The following ADAMTS2 variants were observed in gnomAD, a reference collection of about 807,000 sequenced individuals.
ADAMTS2 encodes A disintegrin and metalloproteinase with thrombospondin motifs 2.
Under a neutral mutation model 123.0 loss-of-function variants are expected in ADAMTS2, and 50 were observed. The observed-to-expected ratio is 0.41, with a 90% CI of 0.32 to 0.51. The LOEUF is 0.51. Among genes scored for constraint, ADAMTS2 ranks in the 20% least tolerant of loss-of-function variants. ADAMTS2 has a pLI of 0.35. For synonymous variants in ADAMTS2, 678 were observed against 695.4 expected (o/e 0.98, Z 0.39); for missense variants, 1,494 against 1,705.2 (o/e 0.88, Z 2.18).
Position 179,130,057 on chromosome 5 carries a change from C to T in ADAMTS2, c.2332G>A (p.Glu778Lys). ...TTGGAACTGGCATCCACGTCATTCT[C>T]TTCATTTAAGATGAACTTGCCTGTC... ...LETGKFILNE[E>K]NDVDASSKTF... The change falls in exon 16 of 22, where the codon GAG becomes AAG. Residue 778 changes from glutamate to lysine, a missense_variant. This residue lies in a region of ADAMTS2 where 953 missense variants were observed against 1,124.7 expected (regional missense o/e 0.85). Coordinates refer to ENST00000251582, the MANE Select transcript of ADAMTS2 (RefSeq NM_014244.5). This position sits in a 1 kb window ranked among gnomAD's most constrained non-coding sequence, Gnocchi z 4.3. The T allele has an allele frequency of 6.2e-7, 1 of 1,614,166 alleles. No individual in the cohort carries two copies. Among genetic ancestry groups the T allele is most frequent in the Non-Finnish European group, 8.5e-7 (1 of 1,180,040 alleles).
rs904991080 is a variant in ADAMTS2, at chr5:179,143,867, T to C, written c.1630-3832A>G. On this transcript the variant is annotated intron_variant, in intron 10 of 21. Coordinates refer to ENST00000251582, the MANE Select transcript of ADAMTS2 (RefSeq NM_014244.5). Reference sequence around the variant, plus strand: ...TCTGAATTTTCTTTCCTTTAACAAATATATTTGAAAATAATAAAAGAAGGT... The same window carrying C: ...TCTGAATTTTCTTTCCTTTAACAAACATATTTGAAAATAATAAAAGAAGGT... 5.3e-5 allele frequency among the ~76,000 whole-genome samples: 8 copies of C among 152,338 alleles called. No homozygotes were observed. In the South Asian group the frequency reaches 6.2e-4, roughly 12 times the overall value.
rs558433041 is a variant in ADAMTS2 at position 179,165,031 on chromosome 5, G to A, written c.976-6152C>T. 1.1e-4 allele frequency among the ~76,000 whole-genome samples: 16 copies of A among 152,336 alleles called. No homozygotes were observed. The South Asian group carries it at 2.5e-3, about 24-fold the overall frequency. On this transcript the variant is annotated intron_variant, in intron 5 of 21. Transcript: ENST00000251582. Reference sequence around the variant, plus strand: ...TGGCCGTGGACAGGGCAAGGCCCTCGCTACTGGAGGCAGTCGGAACCCAAG... The same window carrying A: ...TGGCCGTGGACAGGGCAAGGCCCTCACTACTGGAGGCAGTCGGAACCCAAG...
At chr5:179,264,283 A>G (rs1462880908) in intron 3 of ADAMTS2, among the ~76,000 whole-genome samples, 2 of 152,108 alleles carry the variant, frequency 1.3e-5, no homozygotes, top group Non-Finnish European at 2.9e-5. Flanking sequence ...ACCGTCATCC[A>G]TGGGGCAGCC....
intron 3 of ADAMTS2, among the ~76,000 whole-genome samples, chr5:179,237,846 T>C (rs903167434): frequency 6.6e-6 from 1 of 152,180 alleles, no homozygotes; most frequent in Admixed American, 6.5e-5. Flanking sequence ...GTGCTTCTTG[T>C]ACTGCAAGGT....
At chr5:179,248,330 G>A (rs1296481178) in intron 3 of ADAMTS2, among the ~76,000 whole-genome samples, 2 of 151,952 alleles carry the variant, frequency 1.3e-5, no homozygotes. Flanking sequence ...GAGGAATAAA[G>A]AATATGACAT....
In ADAMTS2 at chr5:179,113,936, C is replaced by G. The variant is rs1394303348; in HGVS notation, c.3567G>C (p.Lys1189Asn). 3.1e-6 allele frequency: 5 copies of G among 1,614,180 alleles called. No homozygotes were observed. In the Admixed American group the frequency reaches 8.3e-5, roughly 27 times the overall value. Residue 1189 changes from lysine to asparagine, a missense_variant, in exon 22 of 22, where the codon AAG becomes AAC. This residue lies in a region of ADAMTS2 where 953 missense variants were observed against 1,124.7 expected (regional missense o/e 0.85). Transcript: ENST00000251582. ...GCTCTTGGATTCTTTGGTTTCTGGT[C>G]TTTTCATAGGGGCTCGGTCGTCGAG... ...LIPRRPSPYE[K>N]TRNQRIQELI... is the part of the protein sequence containing the mutation.
chr5:179,330,819 A>C (rs997682479), intron 2 of ADAMTS2, among the ~76,000 whole-genome samples: 1 of 146,096 alleles, frequency 6.8e-6, no homozygotes, highest in African/African-American at 2.8e-5. Flanking sequence ...AAGCCGCCCT[A>C]TCTGAGGTGG....
chr5:179,173,076 G>A (rs1461645588), intron 5 of ADAMTS2, among the ~76,000 whole-genome samples: 1 of 151,390 alleles, frequency 6.6e-6, no homozygotes, highest in East Asian at 1.9e-4. Context: ...GTCGAGTGTG[G>A]TGGTGCGTGC....
chr5:179,342,831 A>G (rs1043521975), intron 2 of ADAMTS2, among the ~76,000 whole-genome samples: 2 of 152,198 alleles, frequency 1.3e-5, no homozygotes, highest in Non-Finnish European at 2.9e-5. Context: ...CTCCCTCAGC[A>G]TCGATCCAGG....
rs111877409 is a variant in ADAMTS2 at position 179,228,198 on chromosome 5, T to C, written c.689-20483A>G. ...AGGTGTGGGCGGCCTCCAGGATGAA[T>C]CAGCTGCAGAGCACCGCAGTGGCGC... is the stretch of plus-strand genomic sequence containing the variant. On this transcript the variant is annotated intron_variant, in intron 3 of 21. Transcript: ENST00000251582. This position sits in a 1 kb window ranked among gnomAD's most constrained non-coding sequence, Gnocchi z 5.2. Among the ~76,000 whole-genome samples, 1 of 152,052 alleles carries C rather than the reference T, an allele frequency of 6.6e-6. No individual in the cohort carries two copies. The highest frequency in any genetic ancestry group is 2.4e-5 in the African/African-American group (1 of 41,378).
intron 3 of ADAMTS2, among the ~76,000 whole-genome samples, chr5:179,265,509 T>C (rs1766344860): frequency 6.6e-6 from 1 of 152,172 alleles, no homozygotes; most frequent in Non-Finnish European, 1.5e-5. Context: ...TCGCTGGGGC[T>C]GCAAGCCTCG....
chr5:179,241,805 T>C (rs1166013088), intron 3 of ADAMTS2, among the ~76,000 whole-genome samples: 2 of 152,258 alleles, frequency 1.3e-5, no homozygotes, highest in Non-Finnish European at 2.9e-5. Context: ...AAATAAACTA[T>C]AGGCAAAATA....
chr5:179,141,035 G>C (rs926012555), intron 10 of ADAMTS2, among the ~76,000 whole-genome samples: 1 of 150,944 alleles, frequency 6.6e-6, no homozygotes, highest in African/African-American at 2.4e-5. Flanking sequence ...GGCTGGTCTC[G>C]AACTCCTGAC....
intron 4 of ADAMTS2, among the ~76,000 whole-genome samples, chr5:179,193,331 G>A (rs901448024): frequency 1.3e-5 from 2 of 152,114 alleles, no homozygotes; most frequent in Admixed American, 1.3e-4. Flanking sequence ...GTACTTCCCC[G>A]CGTGCGATAT....
intron 4 of ADAMTS2, among the ~76,000 whole-genome samples, chr5:179,201,885 A>G (rs935604674): frequency 7.2e-5 from 11 of 152,188 alleles, no homozygotes; most frequent in Non-Finnish European, 1.5e-4. Flanking sequence ...TTCTAGATGT[A>G]AGGAGGAAGA....
At chr5:179,136,132 C>T in intron 12 of ADAMTS2, 90 bp from the exon 13 acceptor site, 2 of 1,602,982 alleles carry the variant, frequency 1.2e-6, no homozygotes, top group Non-Finnish European at 1.7e-6. Flanking sequence ...GAAATTTCCA[C>T]AAGGGTCCCC....
At position 179,115,506 on chromosome 5, in the gene ADAMTS2, G is replaced by T. The variant is rs527693681; in HGVS notation, c.3179-1182C>A. 1.1e-4 allele frequency among the ~76,000 whole-genome samples: 16 copies of T among 152,194 alleles called. No homozygotes were observed. The highest frequency in any genetic ancestry group is 3.9e-4 in the African/African-American group (16 of 41,526). On this transcript the variant is annotated intron_variant, in intron 21 of 21. Transcript: ENST00000251582. The surrounding 1 kb of genome is among the most constrained non-coding windows in gnomAD (Gnocchi z 4.4). ...GCTCAGCTGCTCTCTACTCTCCACA[G>T]TGATGACTTCAGACCTTTCCCACAC...
rs565121412 is a variant in ADAMTS2 at position 179,308,155 on chromosome 5, A to G, written c.535-35091T>C. On this transcript the variant is annotated intron_variant, in intron 2 of 21. Coordinates refer to ENST00000251582, the MANE Select transcript of ADAMTS2 (RefSeq NM_014244.5). The surrounding 1 kb of genome is among the most constrained non-coding windows in gnomAD (Gnocchi z 6.6). ...TCTGGAGCGACAACAAGGAGAAAAC[A>G]GGGGTTTAAGTGGAGGATCCGGTGC... Among the ~76,000 whole-genome samples the G allele has an allele frequency of 5.9e-5, 9 of 152,336 alleles. No homozygotes were observed. The highest frequency in any genetic ancestry group is 1.9e-4 in the East Asian group (1 of 5,188).
chr5:179,342,806 G>A (rs1561774246), intron 2 of ADAMTS2, among the ~76,000 whole-genome samples: 1 of 152,196 alleles, frequency 6.6e-6, no homozygotes, highest in African/African-American at 2.4e-5. Context: ...ACAGAGCACC[G>A]CCAATGTCAG....
Sources: allele counts gnomAD v4.1 joint callset (sites outside exome capture counted in the v4.1 genomes callset), GRCh38; gene constraint gnomAD v4.1.1; regional missense constraint gnomAD v4.1.1; non-coding constraint Gnocchi (gnomAD v3.1); transcripts MANE v1.5; gene names NCBI Gene and HGNC (gene_info 2026-07-23, HGNC 2026-07-21).